NINL: variants seen among roughly 807,000 people sequenced by gnomAD.
NINL encodes the protein ninein-like protein.
Under a neutral mutation model 160.3 loss-of-function variants are expected in NINL, and 153 were observed. The observed-to-expected ratio is 0.95, with a 90% CI of 0.84 to 1.09. The LOEUF is 1.09. Ranked by LOEUF, NINL falls within the 50% of genes least tolerant of loss-of-function variation. The pLI, the probability that NINL is intolerant of heterozygous loss-of-function variation, is 0.00. For missense variants in NINL, 1,829 were observed against 1,764.0 expected (o/e 1.04, Z -0.66); for synonymous variants, 800 against 734.8 (o/e 1.09, Z -1.43).
chr20:25,485,418 G>A (rs1174968228), intron 13 of NINL, among the ~76,000 whole-genome samples: 1 of 152,250 alleles, frequency 6.6e-6, no homozygotes, highest in Admixed American at 6.5e-5. Flanking sequence ...ACCTGCAGGA[G>A]CAGGAAGCTG....
chr20:25,453,317 C>T lies in NINL; in HGVS notation c.*134G>A. The T allele has an allele frequency of 1.2e-5, 9 of 751,730 alleles. No homozygotes were observed. The highest frequency in any genetic ancestry group is 1.9e-5 in the Non-Finnish European group (9 of 476,300). The allele number at this position is 751,730 out of a possible 1,614,324, so 46.6% of individuals were successfully genotyped here. On this transcript the variant is annotated 3_prime_UTR_variant, in exon 24 of 24. Coordinates refer to ENST00000278886, the MANE Select transcript of NINL (RefSeq NM_025176.6). Reference sequence around the variant, plus strand: ...CCAGGGCAGACCATTCATTAACTATCTGCGGGGTGAACAAAGAATCCCAAT... The same window carrying T: ...CCAGGGCAGACCATTCATTAACTATTTGCGGGGTGAACAAAGAATCCCAAT...
chr20:25,545,654 G>T (rs1303195662), intron 1 of NINL, among the ~76,000 whole-genome samples: 1 of 152,176 alleles, frequency 6.6e-6, no homozygotes, highest in African/African-American at 2.4e-5. Flanking sequence ...TCTCAAGACT[G>T]ACAAGACAGA....
chr20:25,497,978 C>A (rs1316882340), intron 9 of NINL, among the ~76,000 whole-genome samples: 2 of 152,254 alleles, frequency 1.3e-5, no homozygotes, highest in Non-Finnish European at 2.9e-5. Context: ...CACGGATGAG[C>A]GGCTGCCATT....
intron 8 of NINL, among the ~76,000 whole-genome samples, chr20:25,500,388 G>GT (rs2063843673): frequency 6.6e-6 from 1 of 151,084 alleles, no homozygotes; most frequent in African/African-American, 2.4e-5. Flanking sequence ...AGGGCCTGGG[G>GT]TAAGTGGGCG....
At chr20:25,534,668 T>C (rs2064526061) in intron 1 of NINL, among the ~76,000 whole-genome samples, 1 of 152,186 alleles carries the variant, frequency 6.6e-6, no homozygotes, top group Admixed American at 6.5e-5. Flanking sequence ...ATGCAGTCCA[T>C]TGCTGACTGA....
chr20:25,510,837 G>T lies in NINL; in HGVS notation c.451-97C>A, dbSNP rs117021067. ...TAGAGCAGGATGTTTGGGGAAGTGG[G>T]GGATGGCTGAGTATGGAGTCAATCC... is the stretch of plus-strand genomic sequence containing the variant. On this transcript the variant is annotated intron_variant, in intron 4 of 23. Coordinates refer to ENST00000278886, the MANE Select transcript of NINL (RefSeq NM_025176.6). 1.9e-5 allele frequency: 18 copies of T among 931,572 alleles called. No homozygotes were observed. The African/African-American group carries it at 2.3e-4, about 12-fold the overall frequency. 57.7% of individuals were successfully genotyped at this position (931,572 alleles called of 1,614,324 possible).
At chr20:25,504,325 A>G (rs912044535) in intron 6 of NINL, among the ~76,000 whole-genome samples, 1 of 152,036 alleles carries the variant, frequency 6.6e-6, no homozygotes, top group Non-Finnish European at 1.5e-5. Context: ...TTTCCATTTC[A>G]CTGTGAGTGG....
At position 25,558,107 on chromosome 20, in the gene NINL, C is replaced by T. The variant is rs112780262; in HGVS notation, c.-12+27348G>A. Among the ~76,000 whole-genome samples, 996 of 152,280 alleles carry T rather than the reference C, an allele frequency of 6.5e-3. 16 individuals carry two copies. Among genetic ancestry groups the T allele is most frequent in the African/African-American group, 0.023 (954 of 41,560 alleles). On this transcript the variant is annotated intron_variant, in intron 1 of 23. Coordinates refer to ENST00000278886, the MANE Select transcript of NINL (RefSeq NM_025176.6). ...AGTGAGCCGAGATCATGCCATTACACTATAGCCTGGGTGAAAGAGCAAGAC... is the reference window on the plus strand; with the variant it reads ...AGTGAGCCGAGATCATGCCATTACATTATAGCCTGGGTGAAAGAGCAAGAC...
At chr20:25,570,776 C>A (rs1308517647) in intron 1 of NINL, among the ~76,000 whole-genome samples, 1 of 134,212 alleles carries the variant, frequency 7.5e-6, no homozygotes, top group Non-Finnish European at 1.5e-5. Flanking sequence ...AATCTCAGCT[C>A]ACTGCAACCT....
In NINL at chr20:25,579,672, C is replaced by G. The variant is rs190696982; in HGVS notation, c.-12+5783G>C. Among the ~76,000 whole-genome samples the G allele has an allele frequency of 5.9e-5, 9 of 152,316 alleles. No homozygotes were observed. In the East Asian group the frequency reaches 1.7e-3, roughly 29 times the overall value. On this transcript the variant is annotated intron_variant, in intron 1 of 23. Coordinates refer to ENST00000278886, the MANE Select transcript of NINL (RefSeq NM_025176.6). ...CTGGCTGGGGGCACCAGCTGTCACT[C>G]CTCATTCTTCAGAGAGGCACAGAAG... is the stretch of plus-strand genomic sequence containing the variant.
Position 25,576,793 on chromosome 20 carries a change from T to A in NINL, c.-12+8662A>T, listed in dbSNP as rs117515056. Among the ~76,000 whole-genome samples, 224 of 152,320 alleles carry A rather than the reference T, an allele frequency of 1.5e-3. 5 individuals carry two copies. In the East Asian group the frequency reaches 0.034, roughly 23 times the overall value. On this transcript the variant is annotated intron_variant, in intron 1 of 23. Transcript: ENST00000278886. ...TTTAAGTGGTGAAAGTCTACAATGATAAGAGTCTTACTTTATGTGCACAGT... is the reference window on the plus strand; with the variant it reads ...TTTAAGTGGTGAAAGTCTACAATGAAAAGAGTCTTACTTTATGTGCACAGT...
At chr20:25,526,286 C>A in intron 2 of NINL, 122 bp downstream of exon 2, 1 of 879,834 alleles carries the variant, frequency 1.1e-6, no homozygotes, top group Non-Finnish European at 1.8e-6. Flanking sequence ...GGACACTGTT[C>A]CATTTGCTAA....
chr20:25,481,852 C>G, intron 14 of NINL, 116 bp downstream of exon 14: 1 of 1,424,434 alleles, frequency 7.0e-7, no homozygotes, highest in Non-Finnish European at 9.5e-7. Context: ...AGACCACCTC[C>G]CTTCAGGTCA....
At chr20:25,537,479 T>TC (rs1310070939) in intron 1 of NINL, among the ~76,000 whole-genome samples, 5 of 152,368 alleles carry the variant, frequency 3.3e-5, no homozygotes, top group Admixed American at 3.3e-4. Context: ...CTGCTGGCTC[T>TC]GCACATACAA....
At chr20:25,530,404 T>C (rs2064436334) in intron 1 of NINL, among the ~76,000 whole-genome samples, 1 of 152,160 alleles carries the variant, frequency 6.6e-6, no homozygotes, top group Admixed American at 6.6e-5. Context: ...GGCTGTAACA[T>C]CATGTATCTA....
intron 1 of NINL, among the ~76,000 whole-genome samples, chr20:25,558,392 G>A (rs2064894841): frequency 6.6e-6 from 1 of 152,166 alleles, no homozygotes. Context: ...ATTTTTAGTA[G>A]AGATGGGGTT....
intron 1 of NINL, among the ~76,000 whole-genome samples, chr20:25,583,389 G>C (rs1379636802): frequency 6.6e-6 from 1 of 152,124 alleles, no homozygotes; most frequent in Non-Finnish European, 1.5e-5. Context: ...ATCATCACTG[G>C]TCATTAGAGA....
chr20:25,479,081 C>G lies in NINL; in HGVS notation c.2043G>C (p.Glu681Asp), dbSNP rs1485429272. ...TGACCTCCTGAGACTTCTCGTGGAGCTCCTCCAGGTCGGCCTTCTGACCCT... is the reference window on the plus strand; with the variant it reads ...TGACCTCCTGAGACTTCTCGTGGAGGTCCTCCAGGTCGGCCTTCTGACCCT... ...VLEGQKADLE[E>D]LHEKSQEVIW... The change falls in exon 16 of 24, where the codon GAG becomes GAC. Residue 681 changes from glutamate to aspartate, a missense_variant. By Grantham distance (45) the Glu-to-Asp change is conservative. Coordinates refer to ENST00000278886, the MANE Select transcript of NINL (RefSeq NM_025176.6). The G allele has an allele frequency of 4.3e-6, 7 of 1,613,142 alleles. No individual in the cohort carries two copies. The highest frequency in any genetic ancestry group is 1.3e-5 in the African/African-American group (1 of 74,940).
At chr20:25,462,285 T>C (rs949359208) in intron 20 of NINL, 98 bp downstream of exon 20, 162 of 1,178,660 alleles carry the variant, frequency 1.4e-4, no homozygotes, top group Non-Finnish European at 1.7e-4. Flanking sequence ...CTCACTTCCC[T>C]CCAGGCTCCT....
Sources: gnomAD v4.1 joint callset for allele counts (sites outside exome capture counted in the v4.1 genomes callset) on GRCh38, gnomAD v4.1.1 for gene constraint, MANE v1.5 for transcripts, NCBI Gene and HGNC (gene_info 2026-07-23, HGNC 2026-07-21) for gene names.